Variants in PRRC1 observed in about 807,000 individuals in gnomAD.
The protein encoded by PRRC1 is protein PRRC1.
Under a neutral mutation model 40.7 loss-of-function variants are expected in PRRC1, and 39 were observed. That is an observed-to-expected ratio of 0.96 (90% confidence interval 0.74 to 1.25). The LOEUF (loss-of-function observed/expected upper bound fraction) is 1.25, where lower values mean the gene tolerates loss of function less well. Among genes scored for constraint, PRRC1 ranks in the 50% most tolerant of loss-of-function variants. The pLI is 0.00. For synonymous variants in PRRC1, 175 were observed against 193.3 expected (o/e 0.91, Z 0.79); for missense variants, 573 against 548.3 (o/e 1.05, Z -0.45).
intron 8 of PRRC1, chr5:127,548,222 T>C: frequency 1.9e-6 from 1 of 522,718 alleles, no homozygotes; most frequent in Non-Finnish European, 3.4e-6. Context: ...CTTTTCTAGT[T>C]GTTTTATGTC....
chr5:127,526,709 G>T lies in PRRC1; in HGVS notation c.585G>T (p.Glu195Asp). 1 of 1,613,610 alleles carries T rather than the reference G, an allele frequency of 6.2e-7. No homozygotes were observed. Among genetic ancestry groups the T allele is most frequent in the Admixed American group, 1.7e-5 (1 of 60,002 alleles). Residue 195 changes from glutamate to aspartate, a missense_variant, in exon 4 of 9, where the codon GAG becomes GAT. Transcript: ENST00000296666. ...CATCAGCCATTACTTTCCCAGAGGAGCAAGAAGACCCTAGAATTACTAGAG... is the reference window on the plus strand; with the variant it reads ...CATCAGCCATTACTTTCCCAGAGGATCAAGAAGACCCTAGAATTACTAGAG... Reference protein sequence around the residue: ...GTTSAITFPEEQEDPRITRGQ... With the variant: ...GTTSAITFPEDQEDPRITRGQ...
At chr5:127,518,430 A>G (rs1398599110) in intron 1 of PRRC1, among the ~76,000 whole-genome samples, 3 of 152,278 alleles carry the variant, frequency 2.0e-5, no homozygotes, top group Admixed American at 1.3e-4. Flanking sequence ...CTAGATTGAC[A>G]GAATTTATAG....
intron 4 of PRRC1, among the ~76,000 whole-genome samples, chr5:127,528,760 C>T (rs1355724908): frequency 6.6e-6 from 1 of 152,016 alleles, no homozygotes; most frequent in Non-Finnish European, 1.5e-5. Flanking sequence ...GTTGATATTT[C>T]TTTACTATAT....
chr5:127,543,652 C>T (rs1225666294), intron 7 of PRRC1, among the ~76,000 whole-genome samples: 5 of 152,268 alleles, frequency 3.3e-5, no homozygotes, highest in African/African-American at 1.2e-4. Flanking sequence ...CCCTTTCTTC[C>T]AGTTGATCGC....
At chr5:127,544,321 G>A (rs1286282400) in intron 7 of PRRC1, among the ~76,000 whole-genome samples, 4 of 152,204 alleles carry the variant, frequency 2.6e-5, no homozygotes. Context: ...CTGCTCGGGG[G>A]TCAGGGGTCA....
intron 4 of PRRC1, among the ~76,000 whole-genome samples, chr5:127,527,969 A>T (rs936415878): frequency 2.0e-5 from 3 of 152,132 alleles, no homozygotes; most frequent in African/African-American, 7.2e-5. Context: ...AATTTGGACT[A>T]GGGTATTTTC....
intron 8 of PRRC1, chr5:127,548,322 A>G (rs960233571): frequency 2.9e-6 from 1 of 340,184 alleles, no homozygotes; most frequent in African/African-American, 2.1e-5. Context: ...CCTCCTGTTC[A>G]TCTTTAGTGA....
intron 7 of PRRC1, among the ~76,000 whole-genome samples, chr5:127,546,897 T>C (rs530111106): frequency 4.7e-4 from 71 of 152,320 alleles, no homozygotes; most frequent in Middle Eastern, 3.4e-3. Context: ...TTATTTAATG[T>C]TTTTAATTTT....
At chr5:127,533,132 T>C (rs1479741965) in intron 5 of PRRC1, among the ~76,000 whole-genome samples, 1 of 152,192 alleles carries the variant, frequency 6.6e-6, no homozygotes, top group Non-Finnish European at 1.5e-5. Flanking sequence ...ACATGTATAA[T>C]TGATAAATAT....
rs775629926 is a variant in PRRC1, at chr5:127,539,048, G to C, written c.930G>C (p.Gln310His). 27 of 1,612,424 alleles carry C rather than the reference G, an allele frequency of 1.7e-5. 1 individual carries two copies. The East Asian group carries it at 2.2e-4, about 13-fold the overall frequency. ...VGYAAGLKGA[Q>H]ERIDSLRRTG... ...CTGCCATTGTTGTTTAGGGTGCTCA[G>C]GAACGGATAGATAGCTTGCGTCGAA... Residue 310 changes from glutamine (Q) to histidine (H), a missense_variant, in exon 7 of 9, where the codon CAG becomes CAC. Transcript: ENST00000296666.
chr5:127,547,956 A>G (rs764852647), intron 8 of PRRC1, 35 bp downstream of exon 8: 6 of 1,289,248 alleles, frequency 4.7e-6, no homozygotes, highest in Non-Finnish European at 6.8e-6. Flanking sequence ...ATTATGCTCC[A>G]GAGAAACTTA....
At position 127,553,779 on chromosome 5, in the gene PRRC1, A is replaced by G; in HGVS notation, c.*1863A>G. 1 of 1,535,104 alleles carries G rather than the reference A, an allele frequency of 6.5e-7. No homozygotes were observed. Among genetic ancestry groups the G allele is most frequent in the Non-Finnish European group, 8.7e-7 (1 of 1,146,246 alleles). On this transcript the variant is annotated 3_prime_UTR_variant, in exon 9 of 9. Transcript: ENST00000296666. ...GAGAATTGTTCTCATAGAATCACAA[A>G]TACTGACATTTCATTAGATGATTAT...
chr5:127,526,524 G>T (rs1767617679), intron 3 of PRRC1, 94 bp from the exon 4 acceptor site: 1 of 887,548 alleles, frequency 1.1e-6, no homozygotes, highest in Non-Finnish European at 1.7e-6. Flanking sequence ...TCAAATGCCT[G>T]AATATTAATA....
chr5:127,553,721 T>C lies in PRRC1; in HGVS notation c.*1805T>C, dbSNP rs964283486. On this transcript the variant is annotated 3_prime_UTR_variant, in exon 9 of 9. Transcript: ENST00000296666. ...ACCTTAATTTTTCTTTGATTTTTAT[T>C]TTACCAAGTCACAAATGTCTTTTTG... 35 of 1,503,106 alleles carry C rather than the reference T, an allele frequency of 2.3e-5. No homozygotes were observed. The highest frequency in any genetic ancestry group is 3.1e-5 in the Non-Finnish European group (35 of 1,135,448). 93.1% of individuals were successfully genotyped at this position (1,503,106 alleles called of 1,614,324 possible). A position where few individuals can be genotyped will look rare whatever the true frequency, so the allele number is the denominator to read the frequency against.
intron 1 of PRRC1, among the ~76,000 whole-genome samples, chr5:127,520,702 T>A (rs1240509258): frequency 6.6e-6 from 1 of 152,316 alleles, no homozygotes; most frequent in East Asian, 1.9e-4. Context: ...TTTTTAGTGA[T>A]GGAATGGTTC....
chr5:127,524,318 G>T (rs1042918202), intron 2 of PRRC1, among the ~76,000 whole-genome samples: 4 of 152,034 alleles, frequency 2.6e-5, no homozygotes, highest in African/African-American at 4.8e-5. Flanking sequence ...AATGCCATAG[G>T]TTCATACAGC....
chr5:127,551,160 A>G (rs1768371198), intron 8 of PRRC1: 1 of 164,712 alleles, frequency 6.1e-6, no homozygotes, highest in African/African-American at 2.4e-5. Context: ...TTCTTCTGTC[A>G]TTCCTTTGTA....
chr5:127,524,805 G>A lies in PRRC1; in HGVS notation c.378G>A (p.Ser126=), dbSNP rs367829860. 1.5e-5 allele frequency: 24 copies of A among 1,613,938 alleles called. No individual in the cohort carries two copies. Among genetic ancestry groups the A allele is most frequent in the East Asian group, 4.5e-5 (2 of 44,890 alleles). The change falls in exon 3 of 9, where the codon TCG becomes TCA. Residue 126 remains serine (S), a synonymous_variant. Coordinates refer to ENST00000296666, the MANE Select transcript of PRRC1 (RefSeq NM_130809.5). The part of the protein sequence containing the change: ...APNTLLPAPP[S]GPPISGFSVG... ...ACACTCTTTTACCTGCACCCCCTTC[G>A]GGTCCTCCTATATCAGGATTTTCTG...
chr5:127,548,597 C>T (rs1164048087), intron 8 of PRRC1: 3 of 151,602 alleles, frequency 2.0e-5, no homozygotes, highest in Non-Finnish European at 4.4e-5. Context: ...ATTTTTGTTA[C>T]AGTTGTAGTT....
Sources: gnomAD v4.1 joint callset for allele counts (sites outside exome capture counted in the v4.1 genomes callset) on GRCh38, gnomAD v4.1.1 for gene constraint, MANE v1.5 for transcripts, NCBI Gene and HGNC (gene_info 2026-07-23, HGNC 2026-07-21) for gene names.